The following NOS1 variants were observed in gnomAD, a reference collection of about 807,000 sequenced individuals.
NOS1 encodes NOS type I.
In NOS1, 51 loss-of-function variants were observed where a neutral mutation model predicts 164.5. That is an observed-to-expected ratio of 0.31 (90% CI 0.25 to 0.39). The LOEUF (loss-of-function observed/expected upper bound fraction) is 0.39. Among genes scored for constraint, NOS1 ranks in the 10% least tolerant of loss-of-function variants. NOS1 has a pLI of 1.00. For missense variants in NOS1, 1,362 were observed against 1,885.6 expected (o/e 0.72, Z 5.14); for synonymous variants, 719 against 745.8 (o/e 0.96, Z 0.59).
intron 1 of NOS1, among the ~76,000 whole-genome samples, chr12:117,347,236 A>C (rs1169825473): frequency 6.6e-6 from 1 of 151,830 alleles, no homozygotes; most frequent in Non-Finnish European, 1.5e-5. Flanking sequence ...GCAGTGAGCC[A>C]AGATCGCGCC....
intron 1 of NOS1, among the ~76,000 whole-genome samples, chr12:117,352,716 A>G (rs1566088096): frequency 6.6e-6 from 1 of 151,780 alleles, no homozygotes; most frequent in Non-Finnish European, 1.5e-5. Context: ...AAAAAGAGGG[A>G]GAGAGAGAGA....
At chr12:117,311,435 C>A (rs1406126841) in intron 3 of NOS1, 31 bp downstream of exon 3, 1 of 1,575,084 alleles carries the variant, frequency 6.3e-7, no homozygotes, top group Non-Finnish European at 8.6e-7. Context: ...GCGTGGGAAG[C>A]AGTGGTACCA....
chr12:117,252,232 GA>G (rs1431875967), intron 17 of NOS1, among the ~76,000 whole-genome samples: 1 of 152,196 alleles, frequency 6.6e-6, no homozygotes, highest in Non-Finnish European at 1.5e-5. Context: ...GAGAAGACTG[GA>G]ATTCATTTTT....
chr12:117,212,271 G>A lies in NOS1; in HGVS notation c.*3038C>T, dbSNP rs1566019479. ...TTCAATCCACCTTGTTATACAGGTG[G>A]GTATGCAGACTCTAAAAGGTCAAGT... On this transcript the variant is annotated 3_prime_UTR_variant, in exon 29 of 29. Coordinates refer to ENST00000317775, the MANE Select transcript of NOS1 (RefSeq NM_000620.5). The A allele has an allele frequency of 1.0e-6, 1 of 985,284 alleles. No homozygotes were observed. The highest frequency in any genetic ancestry group is 1.2e-6 in the Non-Finnish European group (1 of 829,888). 61.0% of individuals were successfully genotyped at this position (985,284 alleles called of 1,614,324 possible).
intron 1 of NOS1, among the ~76,000 whole-genome samples, chr12:117,350,116 A>G (rs149348194): frequency 3.0e-4 from 46 of 152,224 alleles, no homozygotes; most frequent in African/African-American, 9.2e-4. Context: ...TTCCACCAAG[A>G]AAGTTTCTCC....
chr12:117,305,339 C>T (rs7959158), intron 3 of NOS1, among the ~76,000 whole-genome samples: 20,696 of 152,054 alleles, frequency 0.14, 1,626 homozygotes, highest in East Asian at 0.27. Flanking sequence ...TGGTGGGCGC[C>T]TGTAGTCCCA....
chr12:117,222,919 G>A, intron 25 of NOS1, 56 bp from the exon 26 acceptor site: 3 of 1,580,216 alleles, frequency 1.9e-6, no homozygotes, highest in South Asian at 1.2e-5. Context: ...TGTGCAGGGT[G>A]GCTGAGGTGC....
intron 17 of NOS1, among the ~76,000 whole-genome samples, chr12:117,251,969 A>G (rs568070183): frequency 3.3e-5 from 5 of 150,412 alleles, no homozygotes; most frequent in Non-Finnish European, 7.4e-5. Flanking sequence ...CTGAGCCCAA[A>G]TGATCTGCCT....
intron 20 of NOS1, among the ~76,000 whole-genome samples, chr12:117,239,596 G>C (rs1022617760): frequency 3.3e-5 from 5 of 152,182 alleles, no homozygotes; most frequent in Admixed American, 6.5e-5. Context: ...TCTCTCACAG[G>C]GGGATTAGTG....
In NOS1 at chr12:117,286,194, C is replaced by A; in HGVS notation, c.1200G>T (p.Gln400His). 1 of 1,614,210 alleles carries A rather than the reference C, an allele frequency of 6.2e-7. No homozygotes were observed. Among genetic ancestry groups the A allele is most frequent in the Non-Finnish European group, 8.5e-7 (1 of 1,180,044 alleles). The change falls in exon 6 of 29, where the codon CAG becomes CAT. Residue 400 changes from glutamine to histidine, a missense_variant. By Grantham distance (24) the Gln-to-His change is conservative. Around this residue, in one of 4 missense-constraint regions of NOS1, gnomAD observed 129 missense variants for 186.0 expected, o/e 0.69. Transcript: ENST00000317775. ...CATAGATGAGCTCTGTGTCCTTGAG[C>A]TGGTAAGTGCTAGTGGTGTCGATCT... ...NKEIDTTSTY[Q>H]LKDTELIYGA... is the part of the protein sequence containing the mutation.
At chr12:117,257,607 C>CTTTTTTTTTTTTTTTTTTTTTT in intron 16 of NOS1, among the ~76,000 whole-genome samples, 1 of 99,122 alleles carries the variant, frequency 1.0e-5, no homozygotes, top group Non-Finnish European at 1.9e-5. Context: ...TTGATTTTAG[C>CTTTTTTTTTTTTTTTTTTTTTT]TTTTTTTTTT....
intron 13 of NOS1, among the ~76,000 whole-genome samples, chr12:117,263,034 C>G (rs886603749): frequency 2.6e-5 from 4 of 152,148 alleles, no homozygotes; most frequent in African/African-American, 9.7e-5. Context: ...CTCGATGGTA[C>G]CTTCCACAGC....
chr12:117,235,239 T>C (rs1869607695), intron 20 of NOS1, among the ~76,000 whole-genome samples: 1 of 152,186 alleles, frequency 6.6e-6, no homozygotes, highest in Non-Finnish European at 1.5e-5. Flanking sequence ...CTGAGGCTTT[T>C]ATCAAGGTCA....
intron 8 of NOS1, 129 bp downstream of exon 8, chr12:117,280,596 G>T: frequency 1.1e-6 from 1 of 947,428 alleles, no homozygotes; most frequent in Non-Finnish European, 1.6e-6. Context: ...TGGAGAAGCA[G>T]GTTTGGAGAA....
intron 7 of NOS1, among the ~76,000 whole-genome samples, 166 bp from the exon 8 acceptor site, chr12:117,281,032 G>A (rs7314935): frequency 0.11 from 16,268 of 152,202 alleles, 1,425 homozygotes; most frequent in Admixed American, 0.29. Flanking sequence ...GGGATGGGCC[G>A]TGCTCTGTTC....
At position 117,208,879 on chromosome 12, in the gene NOS1, C is replaced by G. The variant is rs1352943349; in HGVS notation, c.*6430G>C. On this transcript the variant is annotated 3_prime_UTR_variant, in exon 29 of 29. Transcript: ENST00000317775. Reference sequence around the variant, plus strand: ...ATGGGATTACAGATGCCCGCCACCACGCCGGGCTGATTTTTGTATTTTTAG... The same window carrying G: ...ATGGGATTACAGATGCCCGCCACCAGGCCGGGCTGATTTTTGTATTTTTAG... The G allele has an allele frequency of 5.0e-6, 3 of 604,562 alleles. No individual in the cohort carries two copies. Among genetic ancestry groups the G allele is most frequent in the African/African-American group, 2.0e-5 (1 of 50,094 alleles). The allele number at this position is 604,562 out of a possible 1,614,324, so 37.4% of individuals were successfully genotyped here.
chr12:117,260,437 G>A lies in NOS1; in HGVS notation c.2367+28C>T, dbSNP rs1187930699. 1.9e-6 allele frequency: 3 copies of A among 1,606,210 alleles called. No individual in the cohort carries two copies. The Admixed American group carries it at 5.0e-5, about 27-fold the overall frequency. ...CTGCCTTAATTCACCATGAGAAGCT[G>A]GTGGAGCTAGGGCTACCCCCCACCT... On this transcript the variant is annotated intron_variant, in intron 14 of 28. Coordinates refer to ENST00000317775, the MANE Select transcript of NOS1 (RefSeq NM_000620.5).
intron 16 of NOS1, among the ~76,000 whole-genome samples, chr12:117,257,639 T>TCTGGCTGATCAGG (rs1428491621): frequency 7.7e-6 from 1 of 130,648 alleles, no homozygotes; most frequent in Non-Finnish European, 1.6e-5. Context: ...TTTTGACAGG[T>TCTGGCTGATCAGG]CTGGCTGTTC....
intron 16 of NOS1, among the ~76,000 whole-genome samples, chr12:117,258,083 G>C (rs781709048): frequency 6.6e-6 from 1 of 152,166 alleles, no homozygotes; most frequent in African/African-American, 2.4e-5. Flanking sequence ...GATTACAGGC[G>C]TGAGCCACCA....
Sources: allele counts gnomAD v4.1 joint callset (sites outside exome capture counted in the v4.1 genomes callset), GRCh38; gene constraint gnomAD v4.1.1; regional missense constraint gnomAD v4.1.1; transcripts MANE v1.5; gene names NCBI Gene and HGNC (gene_info 2026-07-23, HGNC 2026-07-21).